The following GRM1 variants were observed in gnomAD, a reference collection of about 807,000 sequenced individuals.
GRM1 encodes metabotropic glutamate receptor 1.
In GRM1, 33 loss-of-function variants were observed where a neutral mutation model predicts 90.9. The observed-to-expected ratio is 0.36, with a 90% CI of 0.28 to 0.49. The LOEUF is 0.49. Ranked by LOEUF, GRM1 falls within the 20% of genes least tolerant of loss-of-function variation. The probability of loss-of-function intolerance (pLI) is 0.99; values close to 1 mark genes in which losing one functional copy is unlikely to be tolerated. For missense variants in GRM1, 1,190 were observed against 1,534.3 expected, an observed-to-expected ratio of 0.78 and a Z score of 3.75; for synonymous variants, 700 against 613.2, an observed-to-expected ratio of 1.14 and a Z score of -2.09.
At chr6:146,256,269 T>G (rs1781475169) in intron 2 of GRM1, among the ~76,000 whole-genome samples, 2 of 152,152 alleles carry the variant, frequency 1.3e-5, no homozygotes, top group South Asian at 4.1e-4. Flanking sequence ...GTAAAGTGCT[T>G]AGAGAGTCCT....
At chr6:146,366,301 GATATCC>G (rs555374929) in intron 5 of GRM1, among the ~76,000 whole-genome samples, 19 of 151,942 alleles carry the variant, frequency 1.3e-4, no homozygotes, top group African/African-American at 4.1e-4. Flanking sequence ...GGGTCAGTGG[GATATCC>G]ATCTCCTCAA....
intron 7 of GRM1, among the ~76,000 whole-genome samples, chr6:146,416,175 A>G (rs1279640519): frequency 6.6e-6 from 1 of 152,136 alleles, no homozygotes; most frequent in East Asian, 1.9e-4. Context: ...GATAATGTTT[A>G]CCTTTAAATT....
rs184892132 is a variant in GRM1, at chr6:146,120,817, A to T, written c.701-38531A>T. 2.1e-4 allele frequency among the ~76,000 whole-genome samples: 32 copies of T among 152,214 alleles called. No homozygotes were observed. The East Asian group carries it at 6.0e-3, about 28-fold the overall frequency. ...TTGATCATGGTGGATAAGCTTTTTG[A>T]TGGCTGCTGGATTCAGTTTGCCAGT... On this transcript the variant is annotated intron_variant, in intron 1 of 7. Transcript: ENST00000282753.
At chr6:146,241,639 G>A (rs1435765025) in intron 2 of GRM1, among the ~76,000 whole-genome samples, 1 of 151,886 alleles carries the variant, frequency 6.6e-6, no homozygotes, top group African/African-American at 2.4e-5. Context: ...TCCATGCCTT[G>A]GTTCATTTCT....
chr6:146,275,716 T>C (rs1782332363), intron 2 of GRM1, among the ~76,000 whole-genome samples: 1 of 152,194 alleles, frequency 6.6e-6, no homozygotes, highest in Non-Finnish European at 1.5e-5. Context: ...GCTCTAAACA[T>C]TTTTTCTCAT....
intron 2 of GRM1, among the ~76,000 whole-genome samples, chr6:146,215,046 T>C (rs1304025738): frequency 6.6e-6 from 1 of 152,210 alleles, no homozygotes; most frequent in Non-Finnish European, 1.5e-5. Flanking sequence ...ACCCGTTTTA[T>C]GATGGTGCCT....
chr6:146,128,149 C>T (rs768636139), intron 1 of GRM1, among the ~76,000 whole-genome samples: 1 of 152,114 alleles, frequency 6.6e-6, no homozygotes, highest in African/African-American at 2.4e-5. Flanking sequence ...CATGACTTAG[C>T]TTCAGAAGTC....
chr6:146,170,817 T>C (rs2128894397), intron 2 of GRM1, among the ~76,000 whole-genome samples: 1 of 152,268 alleles, frequency 6.6e-6, no homozygotes, highest in East Asian at 1.9e-4. Flanking sequence ...TTTGCATGTA[T>C]GTGAGTCACA....
chr6:146,070,683 A>T (rs1775990885), intron 1 of GRM1, among the ~76,000 whole-genome samples: 1 of 152,184 alleles, frequency 6.6e-6, no homozygotes. Flanking sequence ...GAGGTAGCAA[A>T]ACCAGACTTA....
intron 1 of GRM1, among the ~76,000 whole-genome samples, chr6:146,116,209 G>T (rs1196235374): frequency 6.6e-6 from 1 of 151,966 alleles, no homozygotes; most frequent in South Asian, 2.1e-4. Flanking sequence ...TGCCCACCCC[G>T]GCCTCCCAAA....
At chr6:146,261,340 T>A (rs9497515) in intron 2 of GRM1, among the ~76,000 whole-genome samples, 31,696 of 152,002 alleles carry the variant, frequency 0.21, 7,311 homozygotes, top group African/African-American at 0.58. Flanking sequence ...TAGGCTGAAG[T>A]ACCCAAATGC....
At chr6:146,081,303 G>A (rs997752623) in intron 1 of GRM1, among the ~76,000 whole-genome samples, 1 of 152,144 alleles carries the variant, frequency 6.6e-6, no homozygotes, top group African/African-American at 2.4e-5. Flanking sequence ...AAGTTAAGAA[G>A]CTACAGAGAG....
intron 1 of GRM1, among the ~76,000 whole-genome samples, chr6:146,137,016 C>A (rs992097843): frequency 3.3e-5 from 5 of 151,998 alleles, no homozygotes; most frequent in African/African-American, 1.2e-4. Context: ...CCACACCCGG[C>A]TAATTTTTGT....
intron 3 of GRM1, among the ~76,000 whole-genome samples, chr6:146,324,621 G>T (rs533722637): frequency 2.0e-5 from 3 of 152,014 alleles, no homozygotes; most frequent in African/African-American, 7.2e-5. Context: ...GTACCTGGGC[G>T]GGAGTGCACC....
intron 2 of GRM1, among the ~76,000 whole-genome samples, chr6:146,198,740 T>G (rs1779204824): frequency 1.3e-5 from 2 of 152,218 alleles, no homozygotes; most frequent in Admixed American, 1.3e-4. Context: ...ATCCTTGAGA[T>G]GTATGGGCAT....
chr6:146,127,937 G>A (rs1776255846), intron 1 of GRM1, among the ~76,000 whole-genome samples: 1 of 152,120 alleles, frequency 6.6e-6, no homozygotes, highest in Non-Finnish European at 1.5e-5. Context: ...CTCAAAGGCT[G>A]GGGGATGGAA....
intron 1 of GRM1, among the ~76,000 whole-genome samples, chr6:146,078,938 G>C (rs141789735): frequency 1.4e-3 from 216 of 152,254 alleles, no homozygotes; most frequent in African/African-American, 5.0e-3. Flanking sequence ...TGAAGGGTGG[G>C]GGAGAATGGA....
intron 2 of GRM1, among the ~76,000 whole-genome samples, chr6:146,163,040 A>C (rs879850976): frequency 1.3e-5 from 2 of 152,178 alleles, no homozygotes; most frequent in Non-Finnish European, 2.9e-5. Flanking sequence ...ATGTATTTAT[A>C]GACTTATCTA....
intron 3 of GRM1, among the ~76,000 whole-genome samples, chr6:146,343,091 T>C (rs1785040909): frequency 1.3e-5 from 2 of 152,182 alleles, no homozygotes; most frequent in Admixed American, 6.5e-5. Flanking sequence ...GTTTTTGATA[T>C]CTTTGACAGT....
Sources: gnomAD v4.1 joint callset for allele counts (sites outside exome capture counted in the v4.1 genomes callset) on GRCh38, gnomAD v4.1.1 for gene constraint, MANE v1.5 for transcripts, NCBI Gene and HGNC (gene_info 2026-07-23, HGNC 2026-07-21) for gene names.